DNAH11: variants seen among roughly 807,000 people sequenced by gnomAD.
The protein encoded by DNAH11 is dynein axonemal heavy chain 11.
DNAH11 carries 442 observed loss-of-function variants against 526.0 expected under a neutral mutation model. That is an observed-to-expected ratio of 0.84 (90% CI 0.78 to 0.91). The LOEUF (loss-of-function observed/expected upper bound fraction) is 0.91. DNAH11 is among the 40% of genes least tolerant of loss of function. The pLI is 0.00. For synonymous variants in DNAH11, 2,461 were observed against 1,935.9 expected, an observed-to-expected ratio of 1.27 and a Z score of -7.12; for missense variants, 6,989 against 5,448.7, an observed-to-expected ratio of 1.28 and a Z score of -8.90.
intron 21 of DNAH11, 36 bp from the exon 22 acceptor site, chr7:21,616,173 T>C: frequency 6.5e-7 from 1 of 1,537,700 alleles, no homozygotes; most frequent in Non-Finnish European, 9.0e-7. Context: ...TTTCACCAAA[T>C]GTTGTTGACA....
At chr7:21,812,807 A>G (rs1275101266) in intron 63 of DNAH11, among the ~76,000 whole-genome samples, 2 of 152,140 alleles carry the variant, frequency 1.3e-5, no homozygotes, top group Non-Finnish European at 1.5e-5. Context: ...TTTGAAATGC[A>G]TTGATGCCTG....
chr7:21,835,819 CT>C (rs1279794320), intron 65 of DNAH11, among the ~76,000 whole-genome samples: 1 of 149,988 alleles, frequency 6.7e-6, no homozygotes, highest in Non-Finnish European at 1.5e-5. Context: ...CAAATTGTCC[CT>C]GTTTGCAGAT....
intron 28 of DNAH11, among the ~76,000 whole-genome samples, chr7:21,640,508 C>CTTTTTTTTTTTTTTTTTTTTTTTTTTTTT (rs144316063): frequency 6.7e-6 from 1 of 149,214 alleles, no homozygotes; most frequent in African/African-American, 2.6e-5. Flanking sequence ...GGTAAGCATT[C>CTTTTTTTTTTTTTTTTTTTTTTTTTTTTT]TTTTTCTTTT....
chr7:21,802,049 A>G (rs1018434161), intron 62 of DNAH11, among the ~76,000 whole-genome samples: 2 of 152,244 alleles, frequency 1.3e-5, no homozygotes, highest in East Asian at 1.9e-4. Flanking sequence ...TCTTGTATCT[A>G]AAACAGGGAT....
At chr7:21,700,820 G>A (rs117865819) in intron 36 of DNAH11, among the ~76,000 whole-genome samples, 22 of 152,200 alleles carry the variant, frequency 1.4e-4, no homozygotes, top group Admixed American at 4.6e-4. Context: ...AGACATGGAC[G>A]AGGATGGAAA....
chr7:21,854,300 T>C lies in DNAH11; in HGVS notation c.11062-15T>C. 1 of 1,612,102 alleles carries C rather than the reference T, an allele frequency of 6.2e-7. No individual in the cohort carries two copies. The highest frequency in any genetic ancestry group is 8.5e-7 in the Non-Finnish European group (1 of 1,179,288). The stretch of plus-strand genomic sequence containing the variant: ...AGAGTAAATAAGTTACTTATTTTGT[T>C]TGATCCCACCATAGGTGATTGAAGC... On this transcript the variant is annotated splice_polypyrimidine_tract_variant and intron_variant, in intron 67 of 81. Transcript: ENST00000409508.
chr7:21,576,865 G>C (rs1784114961), intron 8 of DNAH11, among the ~76,000 whole-genome samples: 1 of 152,096 alleles, frequency 6.6e-6, no homozygotes, highest in Non-Finnish European at 1.5e-5. Flanking sequence ...TGGGGTAGTG[G>C]TTTTCTGGGC....
At chr7:21,750,164 A>C in intron 53 of DNAH11, 58 bp from the exon 54 acceptor site, 10 of 1,500,968 alleles carry the variant, frequency 6.7e-6, no homozygotes, top group Non-Finnish European at 8.9e-6. Flanking sequence ...TTTAAAAGTT[A>C]TATGTAAAAT....
intron 75 of DNAH11, among the ~76,000 whole-genome samples, chr7:21,883,444 A>G (rs934477445): frequency 1.2e-4 from 18 of 152,244 alleles, no homozygotes; most frequent in African/African-American, 3.9e-4. Context: ...TACAACCCTT[A>G]GAACAGTCAT....
intron 2 of DNAH11, 66 bp from the exon 3 acceptor site, chr7:21,558,733 TACG>T (rs1354994796): frequency 1.0e-5 from 13 of 1,256,674 alleles, no homozygotes; most frequent in South Asian, 1.5e-5. Context: ...GCCAATTTTG[TACG>T]ACAAGAAAAT....
intron 66 of DNAH11, chr7:21,851,753 C>T (rs1041867518): frequency 2.2e-6 from 1 of 445,016 alleles, no homozygotes; most frequent in South Asian, 1.6e-5. Flanking sequence ...CTGTGTTTGC[C>T]TGTTTTTAGG....
rs561828711 is a variant in DNAH11 at position 21,787,109 on chromosome 7, A to C, written c.9742-292A>C. The stretch of plus-strand genomic sequence containing the variant: ...TGTATAGGAAGGTGAAGCACAGGGG[A>C]TTTTTGGTGTGTTTTTTGCTTTTTA... On this transcript the variant is annotated intron_variant, in intron 59 of 81. Transcript: ENST00000409508. Among the ~76,000 whole-genome samples, 3 of 152,158 alleles carry C rather than the reference A, an allele frequency of 2.0e-5. No individual in the cohort carries two copies. The South Asian group carries it at 6.2e-4, about 32-fold the overall frequency.
chr7:21,580,668 A>G (rs1784274674), intron 8 of DNAH11, among the ~76,000 whole-genome samples: 1 of 152,158 alleles, frequency 6.6e-6, no homozygotes, highest in African/African-American at 2.4e-5. Context: ...TACTTGGTGG[A>G]AGGATGGAGG....
intron 73 of DNAH11, among the ~76,000 whole-genome samples, chr7:21,872,135 A>AAAAACAAAACAAAAC (rs1783522581): frequency 7.3e-6 from 1 of 137,242 alleles, no homozygotes; most frequent in African/African-American, 2.9e-5. Context: ...AAAAAAAAAA[A>AAAAACAAAACAAAAC]AAAAAAAAAA....
intron 66 of DNAH11, among the ~76,000 whole-genome samples, chr7:21,849,097 C>G (rs927369762): frequency 6.6e-6 from 1 of 152,136 alleles, no homozygotes; most frequent in Non-Finnish European, 1.5e-5. Context: ...GTTGGTCAGG[C>G]TAGTCTCAAA....
Position 21,637,591 on chromosome 7 carries a change from C to T in DNAH11, c.4726-20C>T, listed in dbSNP as rs767403296. On this transcript the variant is annotated intron_variant, in intron 26 of 81. Coordinates refer to ENST00000409508, the MANE Select transcript of DNAH11 (RefSeq NM_001277115.2). ...AAGATTGTTCTAATATCCACGGCCCCGTATTGTACTTTCATGCAGGAGTTA... is the reference window on the plus strand; with the variant it reads ...AAGATTGTTCTAATATCCACGGCCCTGTATTGTACTTTCATGCAGGAGTTA... The T allele has an allele frequency of 4.1e-5, 60 of 1,472,364 alleles. No homozygotes were observed. The highest frequency in any genetic ancestry group is 2.7e-4 in the Admixed American group (14 of 52,800). The allele number at this position is 1,472,364 out of a possible 1,614,324, so 91.2% of individuals were successfully genotyped here.
chr7:21,852,509 A>C lies in DNAH11; in HGVS notation c.10939A>C (p.Lys3647Gln), dbSNP rs1216990655. The C allele has an allele frequency of 1.2e-6, 2 of 1,613,530 alleles. No homozygotes were observed. Among genetic ancestry groups the C allele is most frequent in the African/African-American group, 2.7e-5 (2 of 74,838 alleles). Reference sequence around the variant, plus strand: ...CCAAAATGATTTTAAAATTGAGCTCAAGTATCTGGAAGACGATCTCCTTTT... The same window carrying C: ...CCAAAATGATTTTAAAATTGAGCTCCAGTATCTGGAAGACGATCTCCTTTT... Reference protein sequence around the residue: ...KHQNDFKIELKYLEDDLLLRL... With the variant: ...KHQNDFKIELQYLEDDLLLRL... The change falls in exon 67 of 82, where the codon AAG (lysine) becomes CAG (glutamine). Residue 3647 changes from lysine to glutamine, a missense_variant. Lys to Gln is a moderately conservative substitution (Grantham distance 53, BLOSUM62 1). Coordinates refer to ENST00000409508, the MANE Select transcript of DNAH11 (RefSeq NM_001277115.2).
At position 21,683,830 on chromosome 7, in the gene DNAH11, G is replaced by T; in HGVS notation, c.5507G>T (p.Arg1836Leu). The T allele has an allele frequency of 6.2e-7, 1 of 1,612,812 alleles. No individual in the cohort carries two copies. The highest frequency in any genetic ancestry group is 8.5e-7 in the Non-Finnish European group (1 of 1,179,338). The change falls in exon 32 of 82, where the codon CGA becomes CTA. Residue 1836 changes from arginine to leucine, a missense_variant. By Grantham distance (102) the Arg-to-Leu change is moderately radical. Coordinates refer to ENST00000409508, the MANE Select transcript of DNAH11 (RefSeq NM_001277115.2). Reference sequence around the variant, plus strand: ...ACATGGCTGTCTCAACTTCGTCACCGATGGGAGGATACCCAGAAACACTGC... The same window carrying T: ...ACATGGCTGTCTCAACTTCGTCACCTATGGGAGGATACCCAGAAACACTGC... ...AFTWLSQLRH[R>L]WEDTQKHCFV...
chr7:21,560,397 CTGTCTGT>C (rs1783406019), intron 4 of DNAH11, among the ~76,000 whole-genome samples: 1 of 152,142 alleles, frequency 6.6e-6, no homozygotes, highest in South Asian at 2.1e-4. Flanking sequence ...CTACAATAGG[CTGTCTGT>C]AGTTGAGGAG....
Sources: gnomAD v4.1 joint callset for allele counts (sites outside exome capture counted in the v4.1 genomes callset) on GRCh38, gnomAD v4.1.1 for gene constraint, MANE v1.5 for transcripts, NCBI Gene and HGNC (gene_info 2026-07-23, HGNC 2026-07-21) for gene names.